Variants in DNM1 observed in about 807,000 individuals in gnomAD.
DNM1 encodes the protein dynamin-1.
DNM1 carries 29 observed loss-of-function variants against 104.6 expected under a neutral mutation model. The ratio of observed to expected loss-of-function variants is 0.28; its 90% confidence interval spans 0.21 to 0.38. The LOEUF (loss-of-function observed/expected upper bound fraction) is 0.38, where lower values mean the gene tolerates loss of function less well. DNM1 is among the 10% of genes least tolerant of loss of function. The probability of loss-of-function intolerance (pLI) is 1.00; values close to 1 mark genes in which losing one functional copy is unlikely to be tolerated. For missense variants in DNM1, 640 were observed against 1,189.4 expected, an observed-to-expected ratio of 0.54 and a Z score of 6.79; for synonymous variants, 445 against 475.8, an observed-to-expected ratio of 0.94 and a Z score of 0.84.
chr9:128,233,660 T>C, intron 10 of DNM1: 1 of 288,700 alleles, frequency 3.5e-6, no homozygotes, highest in African/African-American at 2.3e-5. Context: ...AGGGAACACC[T>C]TGGGAGCTAA....
At chr9:128,252,733 C>A in intron 21 of DNM1, 2 of 539,420 alleles carry the variant, frequency 3.7e-6, no homozygotes, top group Non-Finnish European at 7.1e-6. Flanking sequence ...CCATGAGCAG[C>A]ACGGGTGATC....
At chr9:128,242,395 C>T (rs1462539038) in intron 15 of DNM1, 50 bp downstream of exon 15, 1 of 1,043,046 alleles carries the variant, frequency 9.6e-7, no homozygotes. Context: ...TGGACAGAGT[C>T]AGGCTCAGAC....
At chr9:128,211,014 A>T (rs1260062778) in intron 1 of DNM1, among the ~76,000 whole-genome samples, 1 of 151,898 alleles carries the variant, frequency 6.6e-6, no homozygotes, top group Non-Finnish European at 1.5e-5. Flanking sequence ...TGTTCAAAAT[A>T]TTCTCCTGAA....
In DNM1 at chr9:128,240,115, G is replaced by A. The variant is rs970564532; in HGVS notation, c.1557+119G>A. The A allele has an allele frequency of 8.3e-7, 1 of 1,211,776 alleles. No homozygotes were observed. The highest frequency in any genetic ancestry group is 2.3e-5 in the East Asian group (1 of 42,874). The allele number at this position is 1,211,776 out of a possible 1,614,324, so 75.1% of individuals were successfully genotyped here. A position where few individuals can be genotyped will look rare whatever the true frequency, so the allele number is the denominator to read the frequency against. On this transcript the variant is annotated intron_variant, in intron 14 of 21. Transcript: ENST00000372923. The surrounding 1 kb of genome is among the most constrained non-coding windows in gnomAD (Gnocchi z 5.1). ...TGGCTGAAGCTGCTTGTACACACCA[G>A]CCCCTGGCATTTCACACCTGCCCTC... is the stretch of plus-strand genomic sequence containing the variant.
Position 128,240,218 on chromosome 9 carries a change from A to C in DNM1, c.1557+222A>C, listed in dbSNP as rs1836279546. ...AAGCACCTACTTCAGGCAGAGCTAG[A>C]CCGTGTGGGGCTGGGTGGGTGAGAA... On this transcript the variant is annotated intron_variant, in intron 14 of 21. Transcript: ENST00000372923. This position sits in a 1 kb window ranked among gnomAD's most constrained non-coding sequence, Gnocchi z 5.1. Among the ~76,000 whole-genome samples, 2 of 152,136 alleles carry C rather than the reference A, an allele frequency of 1.3e-5. No individual in the cohort carries two copies. Among genetic ancestry groups the C allele is most frequent in the South Asian group, 4.1e-4 (2 of 4,826 alleles).
At chr9:128,216,319 T>G (rs1243366144) in intron 1 of DNM1, among the ~76,000 whole-genome samples, 1 of 152,160 alleles carries the variant, frequency 6.6e-6, no homozygotes, top group Non-Finnish European at 1.5e-5. Flanking sequence ...CAGCTTTGAA[T>G]CCCCACTCTG....
chr9:128,212,159 T>C (rs1834340419), intron 1 of DNM1, among the ~76,000 whole-genome samples: 1 of 152,208 alleles, frequency 6.6e-6, no homozygotes, highest in Non-Finnish European at 1.5e-5. Flanking sequence ...GTTAGGTCCT[T>C]CCACAGCCAG....
chr9:128,239,929 C>A, intron 13 of DNM1, 56 bp from the exon 14 acceptor site: 1 of 1,610,800 alleles, frequency 6.2e-7, no homozygotes, highest in Non-Finnish European at 8.5e-7. Flanking sequence ...GCCTCAGTAA[C>A]CCTCTCTCCT....
rs141844476 is a variant in DNM1, at chr9:128,220,727, G to GCA, written c.849+386_849+387insCA. 2.8e-3 allele frequency among the ~76,000 whole-genome samples: 103 copies of GCA among 36,346 alleles called. No individual in the cohort carries two copies. The highest frequency in any genetic ancestry group is 0.011 in the African/African-American group (96 of 8,752). 23.8% of individuals were successfully genotyped at this position (36,346 alleles called of 152,430 possible). Reference sequence around the variant, plus strand: ...CTGGAATGGGGCATCCAGAACTGAAGTGCGCGCGCGCGCGCGTGTGTGTGT... The same window carrying GCA: ...CTGGAATGGGGCATCCAGAACTGAAGCATGCGCGCGCGCGCGCGTGTGTGTGT... On this transcript the variant is annotated intron_variant, in intron 6 of 21. Transcript: ENST00000372923. This position sits in a 1 kb window ranked among gnomAD's most constrained non-coding sequence, Gnocchi z 5.2.
rs1053155915 is a variant in DNM1 at position 128,224,186 on chromosome 9, G to A, written c.1197-65G>A. The A allele has an allele frequency of 7.1e-6, 11 of 1,549,334 alleles. No individual in the cohort carries two copies. Among genetic ancestry groups the A allele is most frequent in the East Asian group, 2.3e-5 (1 of 43,418 alleles). The stretch of plus-strand genomic sequence containing the variant: ...GTTCGTGGGCTTGGGGAGGAGCCTC[G>A]GCCTGGCCCTCCTGGCCGGCACTGG... On this transcript the variant is annotated intron_variant, in intron 9 of 21. Coordinates refer to ENST00000372923, the MANE Select transcript of DNM1 (RefSeq NM_004408.4). The surrounding 1 kb of genome is among the most constrained non-coding windows in gnomAD (Gnocchi z 4.3).
chr9:128,207,722 C>T (rs1190450124), intron 1 of DNM1, among the ~76,000 whole-genome samples: 1 of 152,190 alleles, frequency 6.6e-6, no homozygotes, highest in Non-Finnish European at 1.5e-5. Flanking sequence ...TAGCACATCC[C>T]TTGTGAGATT....
intron 4 of DNM1, 40 bp from the exon 5 acceptor site, chr9:128,219,948 C>T (rs1464292447): frequency 6.8e-6 from 10 of 1,475,534 alleles, no homozygotes; most frequent in African/African-American, 5.6e-5. Context: ...TGTGTGAGAG[C>T]GGGTGCAGCT....
chr9:128,227,485 G>A (rs952506459), intron 10 of DNM1, among the ~76,000 whole-genome samples: 2 of 144,804 alleles, frequency 1.4e-5, no homozygotes, highest in African/African-American at 2.6e-5. Context: ...GGGTTCAAGT[G>A]GTACTTCCAC....
chr9:128,209,881 C>T (rs1005577753), intron 1 of DNM1, among the ~76,000 whole-genome samples: 32 of 152,152 alleles, frequency 2.1e-4, no homozygotes, highest in Non-Finnish European at 3.1e-4. Context: ...CCTCCCCTGG[C>T]CCCTGGGGAA....
Position 128,222,877 on chromosome 9 carries a change from G to A in DNM1, c.1196+17G>A, listed in dbSNP as rs759509014. The A allele has an allele frequency of 1.9e-6, 3 of 1,613,454 alleles. No individual in the cohort carries two copies. The Admixed American group carries it at 5.0e-5, about 27-fold the overall frequency. ...TGGCATTAGGCACGTATTGGGGCCT[G>A]GGAGGGTGGCTGAACCCCAGAAGTA... On this transcript the variant is annotated intron_variant, in intron 9 of 21. Transcript: ENST00000372923. The surrounding 1 kb of genome is among the most constrained non-coding windows in gnomAD (Gnocchi z 7.8).
intron 1 of DNM1, among the ~76,000 whole-genome samples, chr9:128,205,762 T>C (rs1055468133): frequency 6.6e-6 from 1 of 152,078 alleles, no homozygotes; most frequent in Non-Finnish European, 1.5e-5. Flanking sequence ...GGGACCTGCA[T>C]GCCCAGCCCC....
rs1564330797 is a variant in DNM1 at position 128,220,765 on chromosome 9, G to GTC, written c.849+425_849+426insCT. Among the ~76,000 whole-genome samples the GTC allele has an allele frequency of 9.2e-5, 14 of 151,782 alleles. No homozygotes were observed. The highest frequency in any genetic ancestry group is 2.1e-4 in the South Asian group (1 of 4,798). ...CGCGTGTGTGTGTGTGTGTGTGTGT[G>GTC]TGTCTGTCTGACTGTCTGTCTGTGT... On this transcript the variant is annotated intron_variant, in intron 6 of 21. Transcript: ENST00000372923. The surrounding 1 kb of genome is among the most constrained non-coding windows in gnomAD (Gnocchi z 5.2).
Position 128,222,396 on chromosome 9 carries a change from G to A in DNM1, c.992+57G>A, listed in dbSNP as rs752071130. On this transcript the variant is annotated intron_variant, in intron 7 of 21. Coordinates refer to ENST00000372923, the MANE Select transcript of DNM1 (RefSeq NM_004408.4). The surrounding 1 kb of genome is among the most constrained non-coding windows in gnomAD (Gnocchi z 7.8). ...CCCGCCCCCAGCCTCTCAGCGTGGGGCTCTCCCAGGGTTCCCTTTGCTGGG... is the reference window on the plus strand; with the variant it reads ...CCCGCCCCCAGCCTCTCAGCGTGGGACTCTCCCAGGGTTCCCTTTGCTGGG... The A allele has an allele frequency of 1.2e-5, 20 of 1,609,324 alleles. No homozygotes were observed. Among genetic ancestry groups the A allele is most frequent in the Non-Finnish European group, 1.5e-5 (18 of 1,176,678 alleles).
At position 128,239,716 on chromosome 9, in the gene DNM1, C is replaced by T; in HGVS notation, c.1494-12C>T. 1 of 1,612,114 alleles carries T rather than the reference C, an allele frequency of 6.2e-7. No homozygotes were observed. Among genetic ancestry groups the T allele is most frequent in the South Asian group, 1.1e-5 (1 of 90,852 alleles). On this transcript the variant is annotated splice_polypyrimidine_tract_variant and intron_variant, in intron 12 of 21. Coordinates refer to ENST00000372923, the MANE Select transcript of DNM1 (RefSeq NM_004408.4). ...TGAGAAGTTCTGAGACTCCTCCCCT[C>T]CCTCCCATTAGTGCTCAGCAGAGGA...
Sources: allele counts gnomAD v4.1 joint callset (sites outside exome capture counted in the v4.1 genomes callset), GRCh38; gene constraint gnomAD v4.1.1; non-coding constraint Gnocchi (gnomAD v3.1); transcripts MANE v1.5; gene names NCBI Gene and HGNC (gene_info 2026-07-23, HGNC 2026-07-21).